Variants in LGSN observed in about 807,000 individuals in gnomAD.
The protein encoded by LGSN is lengsin.
Under a neutral mutation model 19.5 loss-of-function variants are expected in LGSN, and 21 were observed. The observed-to-expected ratio is 1.07, with a 90% CI of 0.76 to 1.55. The LOEUF (loss-of-function observed/expected upper bound fraction) is 1.55. LGSN is among the 40% of genes most tolerant of loss of function. LGSN has a pLI of 0.00. For synonymous variants in LGSN, 257 were observed against 215.6 expected, an observed-to-expected ratio of 1.19 and a Z score of -1.68; for missense variants, 673 against 608.5, an observed-to-expected ratio of 1.11 and a Z score of -1.12.
chr6:63,309,560 GT>G (rs963464754), intron 1 of LGSN, among the ~76,000 whole-genome samples: 1 of 152,028 alleles, frequency 6.6e-6, no homozygotes, highest in Non-Finnish European at 1.5e-5. Context: ...GTCTAGTGGG[GT>G]TTTTTTGGCG....
chr6:63,570,497 A>G, the LGSN span, among the ~76,000 whole-genome samples: 1 of 152,252 alleles, frequency 6.6e-6, no homozygotes, highest in African/African-American at 2.4e-5. Context: ...CTTGATGAGC[A>G]TAGCTGACTG....
the LGSN span, among the ~76,000 whole-genome samples, chr6:63,517,713 A>C: frequency 1.3e-5 from 2 of 152,172 alleles, no homozygotes; most frequent in African/African-American, 4.8e-5. Context: ...CTATAATTCC[A>C]CAATATGTAT....
the LGSN span, among the ~76,000 whole-genome samples, chr6:63,543,073 C>T: frequency 2.0e-5 from 3 of 152,232 alleles, no homozygotes; most frequent in Non-Finnish European, 2.9e-5. Context: ...ATATCCCCCA[C>T]TGCACCTTCT....
the LGSN span, among the ~76,000 whole-genome samples, chr6:63,570,358 G>A: frequency 0.95 from 144,854 of 152,330 alleles, 68,976 homozygotes; most frequent in East Asian, 1. Flanking sequence ...AAAATGCATC[G>A]TTTCTCTCAA....
At chr6:63,367,771 A>ATGATTTCTTG in the LGSN span, among the ~76,000 whole-genome samples, 2 of 151,018 alleles carry the variant, frequency 1.3e-5, no homozygotes, top group African/African-American at 5.0e-5. Context: ...ATAAAAAAGG[A>ATGATTTCTTG]TGATTTCTTG....
the LGSN span, among the ~76,000 whole-genome samples, chr6:63,472,551 G>T: frequency 6.6e-6 from 1 of 152,126 alleles, no homozygotes. Context: ...TGATGCTAGT[G>T]CAATACTACA....
At chr6:63,366,530 T>G in the LGSN span, among the ~76,000 whole-genome samples, 1 of 152,326 alleles carries the variant, frequency 6.6e-6, no homozygotes, top group East Asian at 1.9e-4. Context: ...TAATTTATAG[T>G]TTCAATGCCA....
the LGSN span, among the ~76,000 whole-genome samples, chr6:63,420,314 G>C: frequency 6.6e-6 from 1 of 152,164 alleles, no homozygotes; most frequent in Non-Finnish European, 1.5e-5. Context: ...TTGGCAGTGA[G>C]ACAACACCAT....
At chr6:63,286,363 G>A (rs1767536409) in intron 2 of LGSN, among the ~76,000 whole-genome samples, 1 of 152,138 alleles carries the variant, frequency 6.6e-6, no homozygotes, top group Non-Finnish European at 1.5e-5. Flanking sequence ...AAGAATGAGA[G>A]TGTAGGAGAT....
chr6:63,335,291 T>A, the LGSN span, among the ~76,000 whole-genome samples: 1 of 152,018 alleles, frequency 6.6e-6, no homozygotes, highest in East Asian at 1.9e-4. Context: ...GTAAAAGACT[T>A]ACAAGTGAGA....
chr6:63,315,907 G>C (rs1294601720), intron 1 of LGSN, among the ~76,000 whole-genome samples: 5 of 151,078 alleles, frequency 3.3e-5, no homozygotes, highest in Non-Finnish European at 5.9e-5. Context: ...TCAAGTGAGA[G>C]TTCAATAGTA....
At chr6:63,556,383 G>A in the LGSN span, among the ~76,000 whole-genome samples, 1 of 148,964 alleles carries the variant, frequency 6.7e-6, no homozygotes, top group African/African-American at 2.5e-5. Context: ...GTCTCACTAT[G>A]TTGCCCAGGC....
the LGSN span, among the ~76,000 whole-genome samples, chr6:63,450,060 A>G: frequency 1.3e-5 from 2 of 152,038 alleles, no homozygotes; most frequent in African/African-American, 2.4e-5. Flanking sequence ...CTAAAATTGA[A>G]AAATGGCCAG....
the LGSN span, among the ~76,000 whole-genome samples, chr6:63,460,664 A>G: frequency 5.3e-5 from 8 of 152,300 alleles, no homozygotes; most frequent in African/African-American, 1.7e-4. Flanking sequence ...AGTGAAAACT[A>G]TGTTTCCCAG....
the LGSN span, among the ~76,000 whole-genome samples, chr6:63,477,946 T>C: frequency 6.6e-6 from 1 of 152,002 alleles, no homozygotes; most frequent in Non-Finnish European, 1.5e-5. Context: ...TGTGATACTG[T>C]CATATTCCTC....
At chr6:63,403,925 G>C in the LGSN span, among the ~76,000 whole-genome samples, 1 of 151,616 alleles carries the variant, frequency 6.6e-6, no homozygotes, top group Non-Finnish European at 1.5e-5. Flanking sequence ...GGTTACATGA[G>C]AGACTTGCTA....
the LGSN span, among the ~76,000 whole-genome samples, chr6:63,350,340 T>C: frequency 1.3e-5 from 2 of 152,236 alleles, no homozygotes; most frequent in Non-Finnish European, 2.9e-5. Flanking sequence ...TTTATTAAAA[T>C]ATACAAAGGA....
chr6:63,376,771 T>C, the LGSN span, among the ~76,000 whole-genome samples: 1 of 152,362 alleles, frequency 6.6e-6, no homozygotes, highest in Non-Finnish European at 1.5e-5. Flanking sequence ...ACTTTCAGAT[T>C]GAGTCAGTTT....
At chr6:63,573,526 G>A in the LGSN span, 2 of 152,268 alleles carry the variant, frequency 1.3e-5, no homozygotes, top group Admixed American at 1.3e-4. Context: ...GCGTGCTCGG[G>A]CGCACACAGC....
Sources: gnomAD v4.1 joint callset for allele counts (sites outside exome capture counted in the v4.1 genomes callset) on GRCh38, gnomAD v4.1.1 for gene constraint, MANE v1.5 for transcripts, NCBI Gene and HGNC (gene_info 2026-07-23, HGNC 2026-07-21) for gene names.